Variants in PKIB observed in about 807,000 individuals in gnomAD.
The protein encoded by PKIB is PKI-beta.
A neutral mutation model predicts 4.5 loss-of-function variants in PKIB; 2 were observed. The observed-to-expected ratio is 0.44, with a 90% CI of 0.18 to 1.39. The LOEUF (loss-of-function observed/expected upper bound fraction) is 1.39. Among genes scored for constraint, PKIB ranks in the 40% most tolerant of loss-of-function variants. The probability of loss-of-function intolerance (pLI) is 0.27; values close to 1 mark genes in which losing one functional copy is unlikely to be tolerated. For synonymous variants in PKIB, 38 were observed against 36.0 expected, an observed-to-expected ratio of 1.06 and a Z score of -0.20; for missense variants, 94 against 92.6, an observed-to-expected ratio of 1.02 and a Z score of -0.06.
At chr6:122,472,352 A>G (rs1431814243) in intron 1 of PKIB, among the ~76,000 whole-genome samples, 1 of 152,152 alleles carries the variant, frequency 6.6e-6, no homozygotes, top group Non-Finnish European at 1.5e-5. Context: ...TCTGTTTGCT[A>G]TTGACTTATA....
rs749738971 is a variant in PKIB, at chr6:122,628,392, T to C, written c.-160-4891T>C. Among the ~76,000 whole-genome samples, 11 of 152,358 alleles carry C rather than the reference T, an allele frequency of 7.2e-5. No homozygotes were observed. The South Asian group carries it at 2.3e-3, about 32-fold the overall frequency. On this transcript the variant is annotated intron_variant, in intron 1 of 4. Transcript: ENST00000368452. Reference sequence around the variant, plus strand: ...ATTTGCCATGTCTTATGATTACATATTCTTTAAGACTTGCTGAGTTGAATA... The same window carrying C: ...ATTTGCCATGTCTTATGATTACATACTCTTTAAGACTTGCTGAGTTGAATA...
intron 2 of PKIB, among the ~76,000 whole-genome samples, chr6:122,525,980 T>C (rs1317878341): frequency 2.0e-5 from 3 of 152,190 alleles, no homozygotes; most frequent in Non-Finnish European, 4.4e-5. Flanking sequence ...ATCAACTATG[T>C]TTATGTAATT....
intron 1 of PKIB, among the ~76,000 whole-genome samples, chr6:122,620,071 C>A (rs1775162640): frequency 6.6e-6 from 1 of 152,052 alleles, no homozygotes; most frequent in African/African-American, 2.4e-5. Context: ...CCTTCATGCC[C>A]CCATATGCCA....
At chr6:122,493,792 C>T (rs570873002) in intron 2 of PKIB, among the ~76,000 whole-genome samples, 25 of 152,104 alleles carry the variant, frequency 1.6e-4, no homozygotes, top group East Asian at 7.8e-4. Context: ...CAGTCTTTGC[C>T]GACTTAACCT....
intron 2 of PKIB, among the ~76,000 whole-genome samples, chr6:122,513,066 A>C: frequency 6.6e-6 from 1 of 152,202 alleles, no homozygotes; most frequent in Non-Finnish European, 1.5e-5. Flanking sequence ...TGGACACATC[A>C]TCTTATTCCC....
chr6:122,673,042 A>G (rs555148445), intron 2 of PKIB, among the ~76,000 whole-genome samples: 1 of 152,230 alleles, frequency 6.6e-6, no homozygotes, highest in South Asian at 2.1e-4. Flanking sequence ...AATATTTTCA[A>G]AGTCCACCAC....
chr6:122,580,377 AT>A (rs1773668566), intron 2 of PKIB, among the ~76,000 whole-genome samples: 1 of 152,122 alleles, frequency 6.6e-6, no homozygotes, highest in African/African-American at 2.4e-5. Flanking sequence ...TAATGATGTT[AT>A]TTGTTTTTAT....
At chr6:122,635,094 G>A (rs935448336) in intron 2 of PKIB, among the ~76,000 whole-genome samples, 3 of 151,132 alleles carry the variant, frequency 2.0e-5, no homozygotes, top group South Asian at 2.1e-4. Context: ...ATTATAATAC[G>A]AATTAATTTT....
At chr6:122,540,988 A>C (rs1777578161) in intron 2 of PKIB, among the ~76,000 whole-genome samples, 2 of 151,286 alleles carry the variant, frequency 1.3e-5, no homozygotes, top group African/African-American at 4.9e-5. Flanking sequence ...GTTTTATCAG[A>C]GACTAGGATT....
intron 3 of PKIB, among the ~76,000 whole-genome samples, chr6:122,691,615 T>C (rs1468853687): frequency 6.6e-6 from 1 of 152,170 alleles, no homozygotes; most frequent in African/African-American, 2.4e-5. Context: ...GATTTTTTTT[T>C]TAACTTTCCT....
chr6:122,699,106 CTG>C (rs1459170938), intron 3 of PKIB, among the ~76,000 whole-genome samples: 1 of 152,084 alleles, frequency 6.6e-6, no homozygotes, highest in Non-Finnish European at 1.5e-5. Context: ...CCTGCAAAGA[CTG>C]TGTGCAGTAG....
chr6:122,559,239 T>A lies in PKIB; in HGVS notation c.-247-26682T>A, dbSNP rs569527097. Among the ~76,000 whole-genome samples, 333 of 151,902 alleles carry A rather than the reference T, an allele frequency of 2.2e-3. 1 individual carries two copies. The highest frequency in any genetic ancestry group is 7.8e-3 in the African/African-American group (325 of 41,436). On this transcript the variant is annotated intron_variant, in intron 2 of 6. Transcript: ENST00000392491. ...AATAGACAATTCTCAAAAGAAGATA[T>A]ACAAATGGCCAACAAATATATACAT...
chr6:122,669,413 T>C (rs1315754014), intron 2 of PKIB, among the ~76,000 whole-genome samples: 1 of 152,208 alleles, frequency 6.6e-6, no homozygotes. Context: ...TTAATTCTAT[T>C]ATTCCATGGT....
intron 4 of PKIB, among the ~76,000 whole-genome samples, chr6:122,724,669 A>G (rs1187380384): frequency 6.6e-6 from 1 of 151,860 alleles, no homozygotes; most frequent in Non-Finnish European, 1.5e-5. Context: ...TTTTTTTCCT[A>G]TGAAGTAGAA....
intron 2 of PKIB, among the ~76,000 whole-genome samples, chr6:122,645,914 C>G (rs1293181535): frequency 1.3e-5 from 2 of 151,934 alleles, no homozygotes; most frequent in Admixed American, 6.6e-5. Flanking sequence ...CAAAATTGTG[C>G]TTTACTTTAT....
chr6:122,540,910 G>C (rs1777575473), intron 2 of PKIB, among the ~76,000 whole-genome samples: 3 of 151,176 alleles, frequency 2.0e-5, no homozygotes, highest in South Asian at 4.2e-4. Context: ...TCTTCTTGTT[G>C]AATTGATCCC....
intron 2 of PKIB, among the ~76,000 whole-genome samples, chr6:122,563,890 G>A (rs1403599692): frequency 1.3e-5 from 2 of 152,154 alleles, no homozygotes; most frequent in African/African-American, 4.8e-5. Context: ...CCAGCTGTGA[G>A]AGAAGAAGGC....
At chr6:122,638,387 A>G (rs908021070) in intron 2 of PKIB, among the ~76,000 whole-genome samples, 1 of 152,220 alleles carries the variant, frequency 6.6e-6, no homozygotes, top group Non-Finnish European at 1.5e-5. Context: ...ATCTCATGGG[A>G]AAGAGTAACC....
chr6:122,498,410 G>T (rs1776135783), intron 2 of PKIB, among the ~76,000 whole-genome samples: 1 of 152,202 alleles, frequency 6.6e-6, no homozygotes, highest in South Asian at 2.1e-4. Context: ...TGACATGTGG[G>T]AATAGTGGGA....
Sources: gnomAD v4.1 joint callset for allele counts (sites outside exome capture counted in the v4.1 genomes callset) on GRCh38, gnomAD v4.1.1 for gene constraint, MANE v1.5 for transcripts, NCBI Gene and HGNC (gene_info 2026-07-23, HGNC 2026-07-21) for gene names.